Variants in HOMER1 observed in about 807,000 individuals in gnomAD.
HOMER1 encodes homer scaffold protein 1.
HOMER1 carries 3 observed loss-of-function variants against 48.9 expected under a neutral mutation model. The ratio of observed to expected loss-of-function variants is 0.06; its 90% confidence interval spans 0.03 to 0.16. The LOEUF (loss-of-function observed/expected upper bound fraction) is 0.16, where lower values mean the gene tolerates loss of function less well. HOMER1 is among the 10% of genes least tolerant of loss of function. The pLI, the probability that HOMER1 is intolerant of heterozygous loss-of-function variation, is 1.00. For synonymous variants in HOMER1, 134 were observed against 146.4 expected (o/e 0.92, Z 0.61); for missense variants, 247 against 411.4 (o/e 0.60, Z 3.46).
intron 8 of HOMER1, among the ~76,000 whole-genome samples, chr5:79,379,481 TATAA>T (rs1336951758): frequency 1.1e-4 from 14 of 128,594 alleles, no homozygotes; most frequent in Non-Finnish European, 1.1e-4. Flanking sequence ...TATATAAATA[TATAA>T]ATATATAAAT....
chr5:79,500,557 C>G (rs1270280096), intron 1 of HOMER1, among the ~76,000 whole-genome samples: 1 of 152,132 alleles, frequency 6.6e-6, no homozygotes, highest in African/African-American at 2.4e-5. Flanking sequence ...CCTCAGCCTA[C>G]TCAGTGTGAA....
At position 79,396,891 on chromosome 5, in the gene HOMER1, A is replaced by C; in HGVS notation, c.808T>G (p.Leu270Val). 2.5e-6 allele frequency: 4 copies of C among 1,589,754 alleles called. No homozygotes were observed. The highest frequency in any genetic ancestry group is 3.4e-6 in the Non-Finnish European group (4 of 1,160,454). ...CTGGCATTATCAATTTCTTGTTTTA[A>C]CCTTTCTATTTCCTAGAAAAGACAG... ...LKLKEEEIER[L>V]KQEIDNAREL... is the part of the protein sequence containing the mutation. Residue 270 changes from leucine to valine, a missense_variant, in exon 8 of 9, where the codon TTA becomes GTA. Physicochemically the swap from Leu to Val is conservative, Grantham distance 32 (BLOSUM62 1). This residue lies in a region of HOMER1 where 113 missense variants were observed against 152.5 expected (regional missense o/e 0.74). Transcript: ENST00000334082.
At chr5:79,407,407 CAAGG>C in intron 5 of HOMER1, among the ~76,000 whole-genome samples, 1 of 151,984 alleles carries the variant, frequency 6.6e-6, no homozygotes, top group East Asian at 1.9e-4. Context: ...TTGAATAAAT[CAAGG>C]AAGTAAGATA....
intron 2 of HOMER1, among the ~76,000 whole-genome samples, chr5:79,452,778 AGT>A (rs1346521386): frequency 1.3e-5 from 2 of 152,160 alleles, no homozygotes; most frequent in African/African-American, 4.8e-5. Flanking sequence ...TGCTCAATTA[AGT>A]GTTTTTACCT....
At chr5:79,479,957 A>T (rs1477840298) in intron 1 of HOMER1, among the ~76,000 whole-genome samples, 1 of 152,220 alleles carries the variant, frequency 6.6e-6, no homozygotes, top group East Asian at 1.9e-4. Context: ...ACTGCACTGT[A>T]ATTTGATGAA....
intron 1 of HOMER1, among the ~76,000 whole-genome samples, chr5:79,493,997 C>T (rs1334167628): frequency 6.6e-6 from 1 of 152,188 alleles, no homozygotes; most frequent in South Asian, 2.1e-4. Flanking sequence ...CATTACTTAT[C>T]CAATCTAATT....
intron 5 of HOMER1, among the ~76,000 whole-genome samples, chr5:79,419,116 A>AT (rs913635949): frequency 4.7e-4 from 71 of 151,486 alleles, no homozygotes; most frequent in Non-Finnish European, 8.4e-4. Context: ...GGATGTCTAT[A>AT]TTTTTTTTTA....
intron 1 of HOMER1, among the ~76,000 whole-genome samples, chr5:79,458,071 C>A (rs1751220636): frequency 6.6e-6 from 1 of 152,118 alleles, no homozygotes; most frequent in African/African-American, 2.4e-5. Context: ...CCACAAATAT[C>A]TCTTACTTAG....
chr5:79,476,142 C>A (rs981641401), intron 1 of HOMER1, among the ~76,000 whole-genome samples: 1 of 152,156 alleles, frequency 6.6e-6, no homozygotes, highest in African/African-American at 2.4e-5. Context: ...CAGGAATCTA[C>A]CATCTGCATT....
At chr5:79,488,573 G>A (rs148582818) in intron 1 of HOMER1, among the ~76,000 whole-genome samples, 2,314 of 152,244 alleles carry the variant, frequency 0.015, 30 homozygotes, top group South Asian at 0.041. Flanking sequence ...CCCAGACTGG[G>A]CAATCTGCTG....
intron 1 of HOMER1, among the ~76,000 whole-genome samples, chr5:79,486,232 G>T (rs1159472786): frequency 6.6e-6 from 1 of 152,186 alleles, no homozygotes; most frequent in African/African-American, 2.4e-5. Flanking sequence ...GAACAGAGAT[G>T]AGCTCTCTCT....
At chr5:79,507,516 CGA>C (rs992021607) in intron 1 of HOMER1, among the ~76,000 whole-genome samples, 1 of 152,036 alleles carries the variant, frequency 6.6e-6, no homozygotes, top group Non-Finnish European at 1.5e-5. Context: ...TTTCATTCCA[CGA>C]GATACGACCT....
At chr5:79,430,071 A>G (rs1490804264) in intron 5 of HOMER1, among the ~76,000 whole-genome samples, 1 of 152,186 alleles carries the variant, frequency 6.6e-6, no homozygotes. Flanking sequence ...CCAAGAAAAA[A>G]AAATAGTGAA....
intron 1 of HOMER1, among the ~76,000 whole-genome samples, chr5:79,506,512 T>C (rs1326868500): frequency 2.6e-5 from 4 of 152,194 alleles, no homozygotes; most frequent in Non-Finnish European, 5.9e-5. Context: ...AGAGTCATTA[T>C]GGATGTCCTA....
At chr5:79,430,439 A>C (rs956911343) in intron 5 of HOMER1, among the ~76,000 whole-genome samples, 4 of 152,238 alleles carry the variant, frequency 2.6e-5, no homozygotes, top group Non-Finnish European at 4.4e-5. Flanking sequence ...GCAAAATGGC[A>C]CAGCTGCTTT....
chr5:79,403,198 T>A (rs1185692760), intron 5 of HOMER1, among the ~76,000 whole-genome samples: 1 of 152,214 alleles, frequency 6.6e-6, no homozygotes, highest in African/African-American at 2.4e-5. Flanking sequence ...AGTTTATTTC[T>A]ATTAGTTAAA....
chr5:79,417,429 A>G (rs1172944674), intron 5 of HOMER1, among the ~76,000 whole-genome samples: 2 of 152,224 alleles, frequency 1.3e-5, no homozygotes, highest in Admixed American at 6.5e-5. Context: ...GGCGTGAGCC[A>G]CCGCACCCGG....
chr5:79,379,105 TA>T (rs1748863649), intron 8 of HOMER1, among the ~76,000 whole-genome samples: 1 of 59,498 alleles, frequency 1.7e-5, no homozygotes, highest in African/African-American at 1.1e-4. Context: ...TATATATATA[TA>T]TATATATAAA....
intron 1 of HOMER1, among the ~76,000 whole-genome samples, chr5:79,506,706 G>T (rs1752778135): frequency 1.3e-5 from 2 of 152,074 alleles, no homozygotes; most frequent in African/African-American, 4.8e-5. Context: ...CCATGGTGGT[G>T]TGAGCCTATA....
Sources: gnomAD v4.1 joint callset for allele counts (sites outside exome capture counted in the v4.1 genomes callset) on GRCh38, gnomAD v4.1.1 for gene constraint, gnomAD v4.1.1 regional missense constraint, MANE v1.5 for transcripts, NCBI Gene and HGNC (gene_info 2026-07-23, HGNC 2026-07-21) for gene names.